ANKRD30BL: variants seen among roughly 807,000 people sequenced by gnomAD.
ANKRD30BL encodes the protein putative ankyrin repeat domain-containing protein 30B-like.
ANKRD30BL carries 20 observed loss-of-function variants against 18.4 expected under a neutral mutation model. The ratio of observed to expected loss-of-function variants is 1.09; its 90% confidence interval spans 0.77 to 1.58. The LOEUF (loss-of-function observed/expected upper bound fraction) is 1.58, where lower values mean the gene tolerates loss of function less well. Ranked by LOEUF, ANKRD30BL falls within the 40% of genes most tolerant of loss-of-function variation. ANKRD30BL has a pLI of 0.00. For synonymous variants in ANKRD30BL, 72 were observed against 100.9 expected (o/e 0.71, Z 1.72); for missense variants, 224 against 268.6 (o/e 0.83, Z 1.16).
intron 1 of ANKRD30BL, chr2:132,257,151 C>T (rs1275273928): frequency 4.4e-6 from 2 of 456,042 alleles, no homozygotes; most frequent in Admixed American, 2.4e-5. Context: ...ACAAACCTAA[C>T]GCCAGGGCCA....
intron 1 of ANKRD30BL, among the ~76,000 whole-genome samples, chr2:132,245,877 C>A (rs1283088908): frequency 1.3e-5 from 2 of 150,788 alleles, no homozygotes; most frequent in East Asian, 2.0e-4. Flanking sequence ...TTTTATAGAG[C>A]AATTGGAAAC....
intron 1 of ANKRD30BL, among the ~76,000 whole-genome samples, chr2:132,248,864 CTCAA>C (rs1236979448): frequency 5.3e-5 from 8 of 152,134 alleles, no homozygotes; most frequent in African/African-American, 1.7e-4. Flanking sequence ...TTCCAAACTG[CTCAA>C]TCAAAAGAAT....
chr2:132,221,458 G>T (rs1422691104), intron 1 of ANKRD30BL, among the ~76,000 whole-genome samples: 1 of 132,654 alleles, frequency 7.5e-6, no homozygotes, highest in Non-Finnish European at 1.6e-5. Flanking sequence ...CCCCGTCCGG[G>T]AGGTGAGGGG....
intron 5 of ANKRD30BL, among the ~76,000 whole-genome samples, chr2:132,148,493 C>A (rs1023686445): frequency 1.3e-5 from 2 of 150,974 alleles, no homozygotes; most frequent in African/African-American, 4.9e-5. Flanking sequence ...CCTCAGCCTC[C>A]CATGTAGCTG....
At chr2:132,232,728 T>C (rs557632186) in intron 1 of ANKRD30BL, among the ~76,000 whole-genome samples, 2,304 of 152,238 alleles carry the variant, frequency 0.015, 31 homozygotes, top group Middle Eastern at 0.027. Context: ...CTGAAAGTGA[T>C]GGGGAGAAGG....
At chr2:132,227,668 G>A (rs1232766618) in intron 1 of ANKRD30BL, among the ~76,000 whole-genome samples, 3 of 152,048 alleles carry the variant, frequency 2.0e-5, no homozygotes, top group Non-Finnish European at 1.5e-5. Flanking sequence ...TGTAGAATCC[G>A]CTAGTGGACA....
chr2:132,236,959 G>A (rs574693769), intron 1 of ANKRD30BL, among the ~76,000 whole-genome samples: 1 of 151,782 alleles, frequency 6.6e-6, no homozygotes, highest in South Asian at 2.1e-4. Context: ...AAAATGATGA[G>A]TTCATGTCCT....
intron 1 of ANKRD30BL, among the ~76,000 whole-genome samples, chr2:132,169,704 C>T (rs1007878992): frequency 6.7e-6 from 1 of 149,106 alleles, no homozygotes; most frequent in African/African-American, 2.5e-5. Context: ...ACATTTAACT[C>T]ACAGATTAGA....
intron 1 of ANKRD30BL, among the ~76,000 whole-genome samples, chr2:132,169,830 G>A (rs1385484758): frequency 6.6e-6 from 1 of 151,706 alleles, no homozygotes; most frequent in African/African-American, 2.4e-5. Context: ...TTATATTATT[G>A]TTTACTATAT....
At chr2:132,250,413 T>A (rs1235595026) in intron 1 of ANKRD30BL, among the ~76,000 whole-genome samples, 3 of 152,114 alleles carry the variant, frequency 2.0e-5, no homozygotes, top group Admixed American at 2.0e-4. Context: ...AAAGTGCTCA[T>A]AATTAGTTTT....
At chr2:132,247,360 T>C (rs1330000397) in intron 1 of ANKRD30BL, among the ~76,000 whole-genome samples, 1 of 151,736 alleles carries the variant, frequency 6.6e-6, no homozygotes, top group African/African-American at 2.4e-5. Flanking sequence ...AGAAACTTCT[T>C]TGTGATGTGT....
chr2:132,206,378 A>G (rs531822083), intron 1 of ANKRD30BL, among the ~76,000 whole-genome samples: 16 of 152,202 alleles, frequency 1.1e-4, no homozygotes, highest in African/African-American at 3.9e-4. Context: ...TAAGTGTGTA[A>G]TAGTTGCTAA....
intron 1 of ANKRD30BL, among the ~76,000 whole-genome samples, chr2:132,234,760 A>C (rs1016664530): frequency 3.0e-4 from 45 of 152,290 alleles, no homozygotes; most frequent in African/African-American, 9.9e-4. Flanking sequence ...CAGAGGTACA[A>C]GGAGGAACTG....
At chr2:132,152,695 G>T (rs1687791693) in intron 4 of ANKRD30BL, 1 of 151,976 alleles carries the variant, frequency 6.6e-6, no homozygotes, top group African/African-American at 2.4e-5. Context: ...AGACAAAATG[G>T]ATCTCTAATT....
At chr2:132,215,031 A>G (rs1232559314) in intron 1 of ANKRD30BL, among the ~76,000 whole-genome samples, 2 of 152,108 alleles carry the variant, frequency 1.3e-5, no homozygotes, top group Non-Finnish European at 2.9e-5. Context: ...AACTAGATAT[A>G]ATCATCCTGA....
intron 1 of ANKRD30BL, among the ~76,000 whole-genome samples, chr2:132,222,959 A>T (rs796808043): frequency 6.6e-6 from 1 of 151,910 alleles, no homozygotes; most frequent in South Asian, 2.1e-4. Flanking sequence ...AACTAGACAG[A>T]AGTATTCTCA....
At chr2:132,168,087 T>C (rs985422438) in intron 1 of ANKRD30BL, among the ~76,000 whole-genome samples, 9 of 152,230 alleles carry the variant, frequency 5.9e-5, no homozygotes, top group African/African-American at 2.2e-4. Context: ...TAGTATTTCT[T>C]GCAAGACAGG....
At chr2:132,177,562 T>G (rs1370279611) in intron 1 of ANKRD30BL, among the ~76,000 whole-genome samples, 4 of 152,230 alleles carry the variant, frequency 2.6e-5, no homozygotes, top group Non-Finnish European at 5.9e-5. Flanking sequence ...AGAGCAAGCT[T>G]TGATCTTATC....
At chr2:132,161,181 T>C (rs558914169) in intron 1 of ANKRD30BL, among the ~76,000 whole-genome samples, 34 of 151,466 alleles carry the variant, frequency 2.2e-4, no homozygotes, top group African/African-American at 8.2e-4. Context: ...ATAAGTTAAA[T>C]CACTTTAAAA....
Sources: allele counts gnomAD v4.1 joint callset (sites outside exome capture counted in the v4.1 genomes callset), GRCh38; gene constraint gnomAD v4.1.1; transcripts MANE v1.5; gene names NCBI Gene and HGNC (gene_info 2026-07-23, HGNC 2026-07-21).